Variants in AZIN2 observed in about 807,000 individuals in gnomAD.
AZIN2 encodes ODC antizyme inhibitor-2.
In AZIN2, 28 loss-of-function variants were observed where a neutral mutation model predicts 47.8. The ratio of observed to expected loss-of-function variants is 0.59; its 90% CI spans 0.43 to 0.80. The LOEUF is 0.80. Among genes scored for constraint, AZIN2 ranks in the 30% least tolerant of loss-of-function variants. The pLI, the probability that AZIN2 is intolerant of heterozygous loss-of-function variation, is 0.00. For synonymous variants in AZIN2, 221 were observed against 239.4 expected (o/e 0.92, Z 0.71); for missense variants, 535 against 582.5 (o/e 0.92, Z 0.84).
intron 5 of AZIN2, among the ~76,000 whole-genome samples, chr1:33,086,930 CT>C (rs2124478104): frequency 6.6e-6 from 1 of 152,310 alleles, no homozygotes; most frequent in African/African-American, 2.4e-5. Flanking sequence ...CCAGCCTCCA[CT>C]TTCACTACTC....
chr1:33,093,219 G>A (rs1470906179), intron 6 of AZIN2, 63 bp from the exon 7 acceptor site: 1 of 1,600,744 alleles, frequency 6.2e-7, no homozygotes, highest in Admixed American at 1.7e-5. Flanking sequence ...CCTTGATTGA[G>A]AGATGTGGCT....
intron 5 of AZIN2, among the ~76,000 whole-genome samples, chr1:33,084,568 G>T (rs950883716): frequency 6.6e-6 from 1 of 151,862 alleles, no homozygotes; most frequent in African/African-American, 2.4e-5. Flanking sequence ...TTCTGCTGTT[G>T]TCTTCATTCC....
downstream of AZIN2, among the ~76,000 whole-genome samples, chr1:33,123,774 G>A (rs1017648849): frequency 8.5e-5 from 13 of 152,202 alleles, no homozygotes; most frequent in Non-Finnish European, 1.2e-4. Context: ...CAAGGCAGGC[G>A]GATCACGAGG....
chr1:33,165,454 GC>G, the AZIN2 span: 2 of 1,572,262 alleles, frequency 1.3e-6, no homozygotes, highest in South Asian at 2.3e-5. This position sits in a 1 kb window ranked among gnomAD's most constrained non-coding sequence, Gnocchi z 4.0. Context: ...CCACCTCCGC[GC>G]CCCGGCCAGG....
At chr1:33,095,728 A>G (rs1372673421) in intron 8 of AZIN2, among the ~76,000 whole-genome samples, 1 of 152,220 alleles carries the variant, frequency 6.6e-6, no homozygotes, top group African/African-American at 2.4e-5. Context: ...CTTAGCTACT[A>G]TAGCCTACTG....
intron 10 of AZIN2, among the ~76,000 whole-genome samples, chr1:33,111,855 G>C: frequency 6.6e-6 from 1 of 152,046 alleles, no homozygotes; most frequent in South Asian, 2.1e-4. Context: ...CACCCACCTC[G>C]GCCTCCCAAA....
chr1:33,081,879 C>A lies in AZIN2; in HGVS notation c.-73+67C>A, dbSNP rs1346857709. 3.0e-5 allele frequency: 8 copies of A among 265,516 alleles called. No individual in the cohort carries two copies. Among genetic ancestry groups the A allele is most frequent in the Non-Finnish European group, 5.2e-5 (7 of 134,558 alleles). 16.4% of individuals were successfully genotyped at this position (265,516 alleles called of 1,614,324 possible). A position where few individuals can be genotyped will look rare whatever the true frequency, so the allele number is the denominator to read the frequency against. ...ACCCAAGTTTCTCAGATTTTCTGTTCCATCTCTCTCTCACTCTTTCCTGAA... is the reference window on the plus strand; with the variant it reads ...ACCCAAGTTTCTCAGATTTTCTGTTACATCTCTCTCTCACTCTTTCCTGAA... On this transcript the variant is annotated intron_variant, in intron 3 of 11. Coordinates refer to ENST00000294517, the MANE Select transcript of AZIN2 (RefSeq NM_052998.4). This position sits in a 1 kb window ranked among gnomAD's most constrained non-coding sequence, Gnocchi z 4.2.
chr1:33,082,354 G>A lies in AZIN2; in HGVS notation c.105G>A (p.Thr35=). ...ELTLGASQAT[T]DEVAAFFVAD... Reference sequence around the variant, plus strand: ...CTCTGGGGGCCTCACAGGCCACCACGGTGAGGGGCTGGGAATGGGGGTGGG... The same window carrying A: ...CTCTGGGGGCCTCACAGGCCACCACAGTGAGGGGCTGGGAATGGGGGTGGG... The change falls in exon 4 of 12, where the codon ACG becomes ACA. Residue 35 remains threonine, a splice_region_variant and synonymous_variant. Coordinates refer to ENST00000294517, the MANE Select transcript of AZIN2 (RefSeq NM_052998.4). The A allele has an allele frequency of 6.2e-7, 1 of 1,612,370 alleles. No homozygotes were observed. The highest frequency in any genetic ancestry group is 8.5e-7 in the Non-Finnish European group (1 of 1,179,028).
At chr1:33,151,536 C>A in the AZIN2 span, among the ~76,000 whole-genome samples, 1 of 152,248 alleles carries the variant, frequency 6.6e-6, no homozygotes, top group East Asian at 1.9e-4. Context: ...ACACCCCTTC[C>A]CCCTCTGAGA....
intron 10 of AZIN2, among the ~76,000 whole-genome samples, chr1:33,115,756 CAT>C (rs1438794997): frequency 6.6e-6 from 1 of 152,176 alleles, no homozygotes; most frequent in Non-Finnish European, 1.5e-5. Flanking sequence ...TGCATTATGT[CAT>C]GTGAAGATTT....
At chr1:33,154,196 C>T in the AZIN2 span, among the ~76,000 whole-genome samples, 8 of 152,338 alleles carry the variant, frequency 5.3e-5, no homozygotes, top group Admixed American at 3.9e-4. Context: ...TGTGGTGGCT[C>T]ACGCCTGTAA....
the AZIN2 span, among the ~76,000 whole-genome samples, chr1:33,136,997 C>CAA: frequency 0.016 from 1,926 of 119,402 alleles, 33 homozygotes; most frequent in East Asian, 0.056. Flanking sequence ...ACTCAGTCTC[C>CAA]AAAAAAAAAA....
At chr1:33,145,839 C>T in the AZIN2 span, 6 of 470,744 alleles carry the variant, frequency 1.3e-5, no homozygotes, top group African/African-American at 6.0e-5. Context: ...GGGGCTTGCT[C>T]CACCCACCCT....
chr1:33,104,028 G>A (rs1022748303), intron 10 of AZIN2, among the ~76,000 whole-genome samples: 11 of 151,968 alleles, frequency 7.2e-5, no homozygotes, highest in African/African-American at 1.9e-4. Flanking sequence ...GATTACAGGC[G>A]CCCGTCACTA....
chr1:33,098,355 T>A (rs1032990021), intron 10 of AZIN2, among the ~76,000 whole-genome samples, 176 bp downstream of exon 10: 3 of 152,250 alleles, frequency 2.0e-5, no homozygotes, highest in African/African-American at 4.8e-5. Context: ...TTACATATTT[T>A]AAAAAATGCC....
chr1:33,099,442 T>G (rs1029102531), intron 10 of AZIN2, among the ~76,000 whole-genome samples: 3 of 152,220 alleles, frequency 2.0e-5, no homozygotes, highest in African/African-American at 7.2e-5. Flanking sequence ...TGCATTCTTG[T>G]GGTAGCCCAC....
In AZIN2 at chr1:33,084,039, G is replaced by C. The variant is rs748254897; in HGVS notation, c.191G>C (p.Arg64Pro). ...FCFLKCLPRV[R>P]PFYAVKCNSS... is the part of the protein sequence containing the mutation. ...TTTCTGAAGTGCCTGCCACGAGTCCGGCCCTTTTATGCTGTCAAGTGCAAC... is the reference window on the plus strand; with the variant it reads ...TTTCTGAAGTGCCTGCCACGAGTCCCGCCCTTTTATGCTGTCAAGTGCAAC... The change falls in exon 5 of 12, where the codon CGG (arginine) becomes CCG (proline). Residue 64 changes from arginine (R) to proline (P), a missense_variant. This residue lies in a region of AZIN2 where 409 missense variants were observed against 429.0 expected (regional missense o/e 0.95). Transcript: ENST00000294517. 6.2e-7 allele frequency: 1 copy of C among 1,613,990 alleles called. No homozygotes were observed. Among genetic ancestry groups the C allele is most frequent in the Non-Finnish European group, 8.5e-7 (1 of 1,180,048 alleles).
chr1:33,158,198 G>C, the AZIN2 span: 1 of 1,523,006 alleles, frequency 6.6e-7, no homozygotes, highest in Non-Finnish European at 9.1e-7. Context: ...CAGGGGGCTG[G>C]GCTGTGCTGG....
At chr1:33,089,029 AATAG>A (rs1642240405) in intron 5 of AZIN2, among the ~76,000 whole-genome samples, 1 of 152,164 alleles carries the variant, frequency 6.6e-6, no homozygotes, top group Non-Finnish European at 1.5e-5. Context: ...CTGGCAACTC[AATAG>A]ATGCTCAAAA....
Sources: allele counts gnomAD v4.1 joint callset (sites outside exome capture counted in the v4.1 genomes callset), GRCh38; gene constraint gnomAD v4.1.1; regional missense constraint gnomAD v4.1.1; non-coding constraint Gnocchi (gnomAD v3.1); transcripts MANE v1.5; gene names NCBI Gene and HGNC (gene_info 2026-07-23, HGNC 2026-07-21).